The following XYLT1 variants were observed in gnomAD, a reference collection of about 807,000 sequenced individuals.
XYLT1 encodes beta-D-xylosyltransferase 1.
XYLT1 carries 36 observed loss-of-function variants against 91.3 expected under a neutral mutation model. That is an observed-to-expected ratio of 0.39 (90% CI 0.30 to 0.52). The LOEUF (loss-of-function observed/expected upper bound fraction) is 0.52, where lower values mean the gene tolerates loss of function less well. Ranked by LOEUF, XYLT1 falls within the 20% of genes least tolerant of loss-of-function variation. The pLI is 0.68. For missense variants in XYLT1, 1,242 were observed against 1,284.5 expected (o/e 0.97, Z 0.51); for synonymous variants, 588 against 532.0 (o/e 1.11, Z -1.45).
In XYLT1 at chr16:17,126,039, G is replaced by A. The variant is rs143989478; in HGVS notation, c.2223+1627C>T. 5.9e-5 allele frequency among the ~76,000 whole-genome samples: 9 copies of A among 152,344 alleles called. No individual in the cohort carries two copies. In the East Asian group the frequency reaches 1.7e-3, roughly 29 times the overall value. On this transcript the variant is annotated intron_variant, in intron 10 of 11. Transcript: ENST00000261381. ...AAGGAGATCCTAAATAGCCCACAGA[G>A]TGGTCCTGTAGTTCTTCCTTGCCTT... is the stretch of plus-strand genomic sequence containing the variant.
intron 6 of XYLT1, among the ~76,000 whole-genome samples, chr16:17,153,576 G>A (rs547723847): frequency 4.6e-5 from 7 of 152,138 alleles, no homozygotes; most frequent in African/African-American, 9.7e-5. Context: ...CACTGTGCCC[G>A]GCCTCTAAGC....
intron 7 of XYLT1, 49 bp from the exon 8 acceptor site, chr16:17,138,580 A>AGATGAACT (rs767167252): frequency 8.6e-5 from 137 of 1,589,408 alleles, no homozygotes; most frequent in Non-Finnish European, 1.1e-4. Flanking sequence ...AGCCTCCCAC[A>AGATGAACT]GATGAACTGG....
At chr16:17,318,237 TG>T (rs1555497055) in intron 2 of XYLT1, among the ~76,000 whole-genome samples, 1 of 152,184 alleles carries the variant, frequency 6.6e-6, no homozygotes, top group Non-Finnish European at 1.5e-5. Flanking sequence ...AACTGGACCC[TG>T]GGTTTACTTG....
intron 6 of XYLT1, among the ~76,000 whole-genome samples, chr16:17,156,844 A>AAGGT: frequency 6.6e-6 from 1 of 152,338 alleles, no homozygotes; most frequent in Middle Eastern, 3.4e-3. Flanking sequence ...TAATGTAAAG[A>AAGGT]AGGTAGGCTG....
chr16:17,122,869 C>T (rs2030122204), intron 10 of XYLT1, among the ~76,000 whole-genome samples: 1 of 152,102 alleles, frequency 6.6e-6, no homozygotes, highest in African/African-American at 2.4e-5. Flanking sequence ...TTTTTGTGTG[C>T]CGTGTTGAAG....
At chr16:17,357,883 A>C in intron 2 of XYLT1, 129 bp downstream of exon 2, 1 of 934,034 alleles carries the variant, frequency 1.1e-6, no homozygotes, top group East Asian at 2.6e-5. Context: ...ATGTGCAGGC[A>C]CACACACATC....
At chr16:17,283,231 T>C (rs1567355483) in intron 2 of XYLT1, among the ~76,000 whole-genome samples, 1 of 152,218 alleles carries the variant, frequency 6.6e-6, no homozygotes, top group Non-Finnish European at 1.5e-5. Context: ...AGGCAGCAGA[T>C]GTTAATACAG....
At chr16:17,220,780 A>G (rs1473092345) in intron 3 of XYLT1, among the ~76,000 whole-genome samples, 1 of 152,156 alleles carries the variant, frequency 6.6e-6, no homozygotes, top group Non-Finnish European at 1.5e-5. Context: ...GCCTGTGTTA[A>G]CTTCTGATGC....
intron 1 of XYLT1, among the ~76,000 whole-genome samples, chr16:17,387,582 C>T (rs903849639): frequency 1.3e-5 from 2 of 152,198 alleles, no homozygotes; most frequent in African/African-American, 4.8e-5. Flanking sequence ...CAAAGACCTG[C>T]AGTGGCTCAC....
chr16:17,303,080 A>G (rs541107664), intron 2 of XYLT1, among the ~76,000 whole-genome samples: 15 of 152,272 alleles, frequency 9.9e-5, no homozygotes, highest in African/African-American at 3.6e-4. Flanking sequence ...CAGACCACTC[A>G]CTGATTCCTT....
chr16:17,309,441 G>T (rs1465573980), intron 2 of XYLT1, among the ~76,000 whole-genome samples: 1 of 152,140 alleles, frequency 6.6e-6, no homozygotes, highest in African/African-American at 2.4e-5. Flanking sequence ...GATCAACGCT[G>T]ACCACCCCAT....
intron 2 of XYLT1, among the ~76,000 whole-genome samples, chr16:17,316,254 G>A (rs1308509237): frequency 6.6e-6 from 1 of 152,124 alleles, no homozygotes; most frequent in Non-Finnish European, 1.5e-5. Context: ...GGAGCCCTGG[G>A]GACTGTAGGT....
At chr16:17,290,800 A>G (rs1393552399) in intron 2 of XYLT1, among the ~76,000 whole-genome samples, 1 of 152,234 alleles carries the variant, frequency 6.6e-6, no homozygotes, top group African/African-American at 2.4e-5. Context: ...AAACATGACA[A>G]AATAACTGAC....
At chr16:17,443,230 C>G (rs2036552677) in intron 1 of XYLT1, among the ~76,000 whole-genome samples, 1 of 151,972 alleles carries the variant, frequency 6.6e-6, no homozygotes, top group South Asian at 2.1e-4. Flanking sequence ...CCTATATTAT[C>G]ATCATTTTAT....
At chr16:17,165,931 C>G (rs1335350524) in intron 5 of XYLT1, among the ~76,000 whole-genome samples, 1 of 152,246 alleles carries the variant, frequency 6.6e-6, no homozygotes, top group Non-Finnish European at 1.5e-5. Flanking sequence ...AATGAGACTT[C>G]TCTAAGAATT....
At chr16:17,358,924 T>C (rs1225794661) in intron 1 of XYLT1, among the ~76,000 whole-genome samples, 2 of 152,102 alleles carry the variant, frequency 1.3e-5, no homozygotes, top group African/African-American at 2.4e-5. Context: ...CAGAGAAATG[T>C]CCTATTCATT....
intron 3 of XYLT1, among the ~76,000 whole-genome samples, chr16:17,217,130 T>C (rs960453874): frequency 6.6e-6 from 1 of 152,174 alleles, no homozygotes; most frequent in Admixed American, 6.5e-5. Flanking sequence ...GGGATCTCAA[T>C]AGATCCCTCT....
At chr16:17,372,674 A>G (rs1411633824) in intron 1 of XYLT1, among the ~76,000 whole-genome samples, 1 of 152,246 alleles carries the variant, frequency 6.6e-6, no homozygotes, top group African/African-American at 2.4e-5. Flanking sequence ...TGACTTCAGC[A>G]TAGAATAGTG....
At chr16:17,427,744 G>C (rs897139379) in intron 1 of XYLT1, among the ~76,000 whole-genome samples, 1 of 151,844 alleles carries the variant, frequency 6.6e-6, no homozygotes, top group Non-Finnish European at 1.5e-5. Context: ...TCTTACATTC[G>C]TGTTTTAAAA....
Sources: gnomAD v4.1 joint callset for allele counts (sites outside exome capture counted in the v4.1 genomes callset) on GRCh38, gnomAD v4.1.1 for gene constraint, MANE v1.5 for transcripts, NCBI Gene and HGNC (gene_info 2026-07-23, HGNC 2026-07-21) for gene names.